C3orf20: variants seen among roughly 807,000 people sequenced by gnomAD.
The protein encoded by C3orf20 is family with sequence similarity 149 member C.
C3orf20 carries 76 observed loss-of-function variants against 88.3 expected under a neutral mutation model. The ratio of observed to expected loss-of-function variants is 0.86; its 90% CI spans 0.72 to 1.04. The LOEUF is 1.04. Ranked by LOEUF, C3orf20 falls within the 50% of genes least tolerant of loss-of-function variation. C3orf20 has a pLI of 0.00. For synonymous variants in C3orf20, 436 were observed against 437.4 expected, an observed-to-expected ratio of 1.00 and a Z score of 0.04; for missense variants, 1,056 against 1,123.3, an observed-to-expected ratio of 0.94 and a Z score of 0.86.
chr3:14,699,624 A>G (rs950041843), intron 5 of C3orf20, among the ~76,000 whole-genome samples: 2 of 152,226 alleles, frequency 1.3e-5, no homozygotes, highest in Admixed American at 6.5e-5. Context: ...CTGGTATCCA[A>G]GATGCAAAAC....
chr3:14,706,986 G>A (rs144606582), intron 7 of C3orf20, among the ~76,000 whole-genome samples: 198 of 152,088 alleles, frequency 1.3e-3, no homozygotes, highest in African/African-American at 4.1e-3. Flanking sequence ...GTGGTGGCTC[G>A]TGCCTGTAAT....
intron 12 of C3orf20, among the ~76,000 whole-genome samples, chr3:14,755,349 A>G (rs1454836782): frequency 1.3e-5 from 2 of 152,044 alleles, no homozygotes; most frequent in African/African-American, 4.8e-5. Context: ...TTTTAGTCAT[A>G]ATTGTAAAAA....
chr3:14,684,433 A>G, intron 4 of C3orf20, 51 bp downstream of exon 4: 1 of 1,587,024 alleles, frequency 6.3e-7, no homozygotes, highest in South Asian at 1.1e-5. Context: ...CAATATCAGC[A>G]GGAATGCAAT....
chr3:14,723,086 T>G (rs2034223919), intron 10 of C3orf20, among the ~76,000 whole-genome samples: 1 of 152,208 alleles, frequency 6.6e-6, no homozygotes, highest in Non-Finnish European at 1.5e-5. Flanking sequence ...CCAGAGCAAT[T>G]ATATACCTGG....
At chr3:14,759,763 G>C in intron 13 of C3orf20, 128 bp from the exon 14 acceptor site, 1 of 710,554 alleles carries the variant, frequency 1.4e-6, no homozygotes, top group Non-Finnish European at 2.5e-6. Context: ...GGAGCAGGAG[G>C]AGTTGGGGAG....
chr3:14,715,387 C>A lies in C3orf20; in HGVS notation c.1412C>A (p.Thr471Asn), dbSNP rs750155180. ...TGGAGCTGGACTTCCAGGACAGAGA[C>A]CCTGCTTTCCCTGGAATACAAGGTA... ...HKWSWTSRTE[T>N]LLSLEYKVNE... Residue 471 changes from threonine to asparagine, a missense_variant, in exon 9 of 17, where the codon ACC becomes AAC. Thr to Asn is a moderately conservative substitution (Grantham distance 65). Coordinates refer to ENST00000253697, the MANE Select transcript of C3orf20 (RefSeq NM_032137.5). The A allele has an allele frequency of 7.4e-6, 12 of 1,611,794 alleles. No homozygotes were observed. The highest frequency in any genetic ancestry group is 4.5e-5 in the East Asian group (2 of 44,866).
At chr3:14,702,824 A>G (rs932986629) in intron 5 of C3orf20, among the ~76,000 whole-genome samples, 1 of 152,180 alleles carries the variant, frequency 6.6e-6, no homozygotes, top group African/African-American at 2.4e-5. Context: ...CCAACAGTCC[A>G]AAGTCTCATC....
intron 7 of C3orf20, among the ~76,000 whole-genome samples, chr3:14,707,568 C>G (rs1293283837): frequency 2.7e-5 from 4 of 150,610 alleles, no homozygotes; most frequent in Non-Finnish European, 4.4e-5. Context: ...TTCTTTAAAA[C>G]AAGTTGTAAG....
Position 14,757,386 on chromosome 3 carries a change from G to C in C3orf20, c.1956G>C (p.Glu652Asp). Reference protein sequence around the residue: ...AKVTSRGKAREGRSPTRWAAL... With the variant: ...AKVTSRGKARDGRSPTRWAAL... ...CTCCTTGCAGAGGGAAGGCCCGCGA[G>C]GGGCGCAGCCCCACCAGGTGGGCGG... is the stretch of plus-strand genomic sequence containing the variant. The change falls in exon 13 of 17, where the codon GAG (glutamate) becomes GAC (aspartate). Residue 652 changes from glutamate (E) to aspartate (D), a missense_variant. Physicochemically the swap from Glu to Asp is conservative, Grantham distance 45. Transcript: ENST00000253697. 6.2e-7 allele frequency: 1 copy of C among 1,611,292 alleles called. No individual in the cohort carries two copies. Among genetic ancestry groups the C allele is most frequent in the Non-Finnish European group, 8.5e-7 (1 of 1,179,516 alleles).
intron 15 of C3orf20, among the ~76,000 whole-genome samples, chr3:14,766,357 GC>G (rs1271131825): frequency 6.6e-6 from 1 of 152,192 alleles, no homozygotes; most frequent in African/African-American, 2.4e-5. Context: ...AAGCTTCCAG[GC>G]CCCCAGATGG....
intron 10 of C3orf20, among the ~76,000 whole-genome samples, chr3:14,724,785 A>G (rs756540567): frequency 6.6e-6 from 1 of 152,250 alleles, no homozygotes; most frequent in Non-Finnish European, 1.5e-5. Flanking sequence ...TCAACTACAC[A>G]TGTAGCTCAC....
chr3:14,771,099 T>C (rs1363610410), intron 15 of C3orf20, among the ~76,000 whole-genome samples: 1 of 152,192 alleles, frequency 6.6e-6, no homozygotes, highest in Non-Finnish European at 1.5e-5. Flanking sequence ...AGGTGATTCA[T>C]GGGATGGAAC....
intron 7 of C3orf20, among the ~76,000 whole-genome samples, chr3:14,711,971 C>T (rs113465188): frequency 6.6e-6 from 1 of 151,842 alleles, no homozygotes; most frequent in African/African-American, 2.4e-5. Context: ...TAAGTTATTT[C>T]CCTAGGGTTG....
intron 7 of C3orf20, among the ~76,000 whole-genome samples, chr3:14,707,820 C>CTTTTTTTTTTT (rs60474912): frequency 3.3e-5 from 4 of 122,154 alleles, no homozygotes; most frequent in Admixed American, 9.3e-5. Context: ...GTGTTTTCCT[C>CTTTTTTTTTTT]TTTTTTTTTT....
In C3orf20 at chr3:14,757,557, A is replaced by T; in HGVS notation, c.2127A>T (p.Gln709His). ...RFLLAPRDPS[Q>H]VLVFGIISSQ... ...TGTTGGCGCCCCGAGACCCCAGCCAAGTGCTGGTGTTTGGGATCATCTCAA... is the reference window on the plus strand; with the variant it reads ...TGTTGGCGCCCCGAGACCCCAGCCATGTGCTGGTGTTTGGGATCATCTCAA... Residue 709 changes from glutamine to histidine, a missense_variant, in exon 13 of 17, where the codon CAA (glutamine) becomes CAT (histidine). Coordinates refer to ENST00000253697, the MANE Select transcript of C3orf20 (RefSeq NM_032137.5). 1 of 1,613,978 alleles carries T rather than the reference A, an allele frequency of 6.2e-7. No homozygotes were observed. The highest frequency in any genetic ancestry group is 8.5e-7 in the Non-Finnish European group (1 of 1,179,960).
At chr3:14,753,936 C>A (rs938718543) in intron 12 of C3orf20, among the ~76,000 whole-genome samples, 10 of 152,230 alleles carry the variant, frequency 6.6e-5, no homozygotes, top group Admixed American at 6.5e-4. Context: ...GACATTCATT[C>A]AATGCTTTTA....
intron 7 of C3orf20, among the ~76,000 whole-genome samples, chr3:14,712,227 A>T (rs117704209): frequency 6.6e-6 from 1 of 151,618 alleles, no homozygotes; most frequent in Admixed American, 6.6e-5. Context: ...GAAGAAAGCT[A>T]TGTGGTGACT....
chr3:14,751,778 T>C (rs1331276924), intron 12 of C3orf20, among the ~76,000 whole-genome samples: 2 of 152,086 alleles, frequency 1.3e-5, no homozygotes, highest in African/African-American at 2.4e-5. Flanking sequence ...TTGCAAGGAA[T>C]GTGAAGGACC....
Position 14,691,319 on chromosome 3 carries a change from G to A in C3orf20, c.745+1203G>A, listed in dbSNP as rs138281963. Reference sequence around the variant, plus strand: ...CCCCATTGCATGTGCGCCTGGCTTAGTACTCCATTATCATGTGCCCTCCTG... The same window carrying A: ...CCCCATTGCATGTGCGCCTGGCTTAATACTCCATTATCATGTGCCCTCCTG... On this transcript the variant is annotated intron_variant, in intron 5 of 16. Transcript: ENST00000253697. Among the ~76,000 whole-genome samples, 710 of 152,278 alleles carry A rather than the reference G, an allele frequency of 4.7e-3. 3 individuals are homozygous for A. Among genetic ancestry groups the A allele is most frequent in the Middle Eastern group, 0.014 (4 of 294 alleles).
Sources: gnomAD v4.1 joint callset for allele counts (sites outside exome capture counted in the v4.1 genomes callset) on GRCh38, gnomAD v4.1.1 for gene constraint, MANE v1.5 for transcripts, NCBI Gene and HGNC (gene_info 2026-07-23, HGNC 2026-07-21) for gene names.